The following ZFPM1 variants were observed in gnomAD, a reference collection of about 807,000 sequenced individuals.
ZFPM1 encodes the protein zinc finger protein, FOG family member 1, also known as zinc finger protein ZFPM1.
ZFPM1 carries 28 observed loss-of-function variants against 46.3 expected under a neutral mutation model. The observed-to-expected ratio is 0.60, with a 90% CI of 0.45 to 0.83. The LOEUF (loss-of-function observed/expected upper bound fraction) is 0.83, where lower values mean the gene tolerates loss of function less well. Among genes scored for constraint, ZFPM1 ranks in the 40% least tolerant of loss-of-function variants. The pLI is 0.00. For missense variants in ZFPM1, 1,878 were observed against 1,432.4 expected (o/e 1.31, Z -5.02); for synonymous variants, 957 against 675.9 (o/e 1.42, Z -6.45).
intron 1 of ZFPM1, among the ~76,000 whole-genome samples, chr16:88,479,862 G>A (rs931039943): frequency 7.6e-4 from 18 of 23,640 alleles, no homozygotes; most frequent in African/African-American, 1.3e-3. Context: ...CCTCCCCCCC[G>A]CTGCCACCCC....
At position 88,491,021 on chromosome 16, in the gene ZFPM1, CTCTCGGTCAGGCGCTGGTGCCTTCGGGGG is replaced by C. The variant is rs759809585; in HGVS notation, c.268+1894_268+1922del. Reference sequence around the variant, plus strand: ...CAGACAGGCGCTGGTGCCTTCGGGGCTCTCGGTCAGGCGCTGGTGCCTTCGGGGGTCTCGGTCAGGCGCTGGTGCCTTCG... The same window carrying C: ...CAGACAGGCGCTGGTGCCTTCGGGGCTCTCGGTCAGGCGCTGGTGCCTTCG... On this transcript the variant is annotated intron_variant, in intron 3 of 9. Transcript: ENST00000319555. 7.4e-3 allele frequency among the ~76,000 whole-genome samples: 1,056 copies of C among 142,056 alleles called. 4 individuals carry two copies. Among genetic ancestry groups the C allele is most frequent in the Non-Finnish European group, 9.0e-3 (584 of 64,980 alleles). The allele number at this position is 142,056 out of a possible 152,430, so 93.2% of individuals were successfully genotyped here.
intron 1 of ZFPM1, among the ~76,000 whole-genome samples, chr16:88,475,763 G>T (rs953093412): frequency 1.3e-5 from 2 of 152,218 alleles, no homozygotes; most frequent in African/African-American, 4.8e-5. Flanking sequence ...TAGTTCCTCT[G>T]CTTAGGGAGG....
chr16:88,477,366 G>A (rs935490781), intron 1 of ZFPM1, among the ~76,000 whole-genome samples: 4 of 152,220 alleles, frequency 2.6e-5, no homozygotes, highest in Admixed American at 6.5e-5. Context: ...TTGGGTCACC[G>A]CGGTGTGTTT....
chr16:88,473,547 T>C (rs990247531), intron 1 of ZFPM1, among the ~76,000 whole-genome samples: 3 of 152,124 alleles, frequency 2.0e-5, no homozygotes, highest in Non-Finnish European at 4.4e-5. Flanking sequence ...ACTTCTCCCA[T>C]GGCCGGGCCC....
chr16:88,454,134 T>C (rs1907426688), intron 1 of ZFPM1, among the ~76,000 whole-genome samples: 1 of 152,142 alleles, frequency 6.6e-6, no homozygotes, highest in Non-Finnish European at 1.5e-5. Flanking sequence ...TCCCAGGCTT[T>C]GTATCTAGAA....
chr16:88,461,297 G>C (rs977733802), intron 1 of ZFPM1, among the ~76,000 whole-genome samples: 9 of 151,988 alleles, frequency 5.9e-5, no homozygotes, highest in Admixed American at 5.9e-4. Context: ...GGACCAGGAT[G>C]CTTGCTGGGG....
At chr16:88,467,470 C>T (rs1908187812) in intron 1 of ZFPM1, among the ~76,000 whole-genome samples, 1 of 152,244 alleles carries the variant, frequency 6.6e-6, no homozygotes, top group African/African-American at 2.4e-5. Context: ...GCCCCAGTGA[C>T]ACTTCACTTC....
At chr16:88,505,547 G>A (rs1355542806) in intron 3 of ZFPM1, among the ~76,000 whole-genome samples, 2 of 152,188 alleles carry the variant, frequency 1.3e-5, no homozygotes, top group Non-Finnish European at 2.9e-5. Context: ...GGGAGGCAGG[G>A]AGGAGGTGGG....
At chr16:88,489,210 C>T (rs1909417459) in intron 3 of ZFPM1, 57 bp downstream of exon 3, 2 of 1,532,638 alleles carry the variant, frequency 1.3e-6, no homozygotes, top group Non-Finnish European at 8.8e-7. Context: ...CTGGCCCGGC[C>T]CCTGGGAGCA....
At chr16:88,476,729 G>C (rs1170093972) in intron 1 of ZFPM1, among the ~76,000 whole-genome samples, 1 of 152,218 alleles carries the variant, frequency 6.6e-6, no homozygotes, top group African/African-American at 2.4e-5. Flanking sequence ...CAAGTGTGTT[G>C]TGGAATCCAG....
chr16:88,492,179 C>T (rs1369266414), intron 3 of ZFPM1, among the ~76,000 whole-genome samples: 1 of 151,882 alleles, frequency 6.6e-6, no homozygotes, highest in Non-Finnish European at 1.5e-5. Flanking sequence ...CCCTCCCTGC[C>T]TCTCTTTCTC....
chr16:88,503,315 C>T (rs1369709337), intron 3 of ZFPM1, among the ~76,000 whole-genome samples: 1 of 130,800 alleles, frequency 7.6e-6, no homozygotes, highest in East Asian at 2.3e-4. Context: ...GAGGGGCCCA[C>T]GGTTCCTGAG....
chr16:88,490,751 C>T (rs1271353615), intron 3 of ZFPM1, among the ~76,000 whole-genome samples: 1 of 152,210 alleles, frequency 6.6e-6, no homozygotes, highest in African/African-American at 2.4e-5. Context: ...TGAGTTACAC[C>T]TGCATGGGCT....
At chr16:88,499,246 G>C (rs866984104) in intron 3 of ZFPM1, among the ~76,000 whole-genome samples, 12 of 152,170 alleles carry the variant, frequency 7.9e-5, no homozygotes, top group South Asian at 4.2e-4. Context: ...CCTGGGCCTC[G>C]AAGTCCCGAA....
In ZFPM1 at chr16:88,489,078, C is replaced by T. The variant is rs1199593806; in HGVS notation, c.193C>T (p.Pro65Ser). The T allele has an allele frequency of 2.5e-6, 4 of 1,613,144 alleles. No homozygotes were observed. The highest frequency in any genetic ancestry group is 3.4e-6 in the Non-Finnish European group (4 of 1,179,792). The change falls in exon 3 of 10, where the codon CCC becomes TCC. Residue 65 changes from proline to serine, a missense_variant. Pro to Ser is a moderately conservative substitution (Grantham distance 74, BLOSUM62 -1). Transcript: ENST00000319555. ...GCCGCCCCCCACATCCCCAGGAGGCCCCAAGGAGCTGGAAGGACAGGAACC... is the reference window on the plus strand; with the variant it reads ...GCCGCCCCCCACATCCCCAGGAGGCTCCAAGGAGCTGGAAGGACAGGAACC... ...PLPPPTSPGG[P>S]KELEGQEPEP...
At chr16:88,452,948 G>C (rs1180748082), upstream of ZFPM1, among the ~76,000 whole-genome samples, 1 of 152,170 alleles carries the variant, frequency 6.6e-6, no homozygotes, top group African/African-American at 2.4e-5. Flanking sequence ...GGTCTCCCCG[G>C]GGCGCGGGCG....
At position 88,505,880 on chromosome 16, in the gene ZFPM1, A is replaced by G. The variant is rs374365402; in HGVS notation, c.269-8507A>G. ...GTGCAGCCGCCGGCAGGGCCCCCCCATGGGGCTTTCCAACCACGTGCTCAC... is the reference window on the plus strand; with the variant it reads ...GTGCAGCCGCCGGCAGGGCCCCCCCGTGGGGCTTTCCAACCACGTGCTCAC... On this transcript the variant is annotated intron_variant, in intron 3 of 9. Transcript: ENST00000319555. Among the ~76,000 whole-genome samples the G allele has an allele frequency of 8.7e-3, 1,325 of 152,052 alleles. 16 individuals are homozygous for G. The highest frequency in any genetic ancestry group is 0.031 in the African/African-American group (1,266 of 41,472).
chr16:88,525,447 T>C (rs975062046), intron 4 of ZFPM1, among the ~76,000 whole-genome samples: 2 of 152,228 alleles, frequency 1.3e-5, no homozygotes, highest in Non-Finnish European at 2.9e-5. Context: ...TAGGTGACAC[T>C]GGCTTTTCAG....
Position 88,533,623 on chromosome 16 carries a change from G to A in ZFPM1, c.1665G>A (p.Gln555=). Residue 555 remains glutamine (Q), a synonymous_variant, in exon 10 of 10, where the codon CAG becomes CAA. Transcript: ENST00000319555. The part of the protein sequence containing the change: ...KMSELVHSRL[Q]QGAGAGAGGA... ...CCGAGCTGGTGCACAGCCGGCTGCA[G>A]CAGGGCGCGGGCGCGGGCGCCGGCG... 1 of 1,470,588 alleles carries A rather than the reference G, an allele frequency of 6.8e-7. No individual in the cohort carries two copies. The highest frequency in any genetic ancestry group is 9.0e-7 in the Non-Finnish European group (1 of 1,110,046). The allele number at this position is 1,470,588 out of a possible 1,614,324, so 91.1% of individuals were successfully genotyped here.
Sources: allele counts gnomAD v4.1 joint callset (sites outside exome capture counted in the v4.1 genomes callset), GRCh38; gene constraint gnomAD v4.1.1; transcripts MANE v1.5; gene names NCBI Gene and HGNC (gene_info 2026-07-23, HGNC 2026-07-21).